SCAPER: variants seen among roughly 807,000 people sequenced by gnomAD.
SCAPER encodes the protein S phase cyclin A-associated protein in the endoplasmic reticulum.
Under a neutral mutation model 182.2 loss-of-function variants are expected in SCAPER, and 98 were observed. The ratio of observed to expected loss-of-function variants is 0.54; its 90% confidence interval spans 0.46 to 0.64. SCAPER has a LOEUF of 0.64. SCAPER is among the 30% of genes least tolerant of loss of function. SCAPER has a pLI of 0.00. For synonymous variants in SCAPER, 605 were observed against 564.6 expected (o/e 1.07, Z -1.01); for missense variants, 1,432 against 1,690.0 (o/e 0.85, Z 2.68).
At chr15:76,796,572 C>T (rs1325816520) in intron 7 of SCAPER, among the ~76,000 whole-genome samples, 1 of 152,164 alleles carries the variant, frequency 6.6e-6, no homozygotes. Flanking sequence ...CAAAATTGTT[C>T]CTCAAGCTGA....
chr15:76,429,040 T>C (rs2046670153), intron 26 of SCAPER, among the ~76,000 whole-genome samples: 1 of 151,716 alleles, frequency 6.6e-6, no homozygotes, highest in African/African-American at 2.4e-5. Context: ...TTTCCCGTGC[T>C]GTTCTCATGA....
intron 23 of SCAPER, among the ~76,000 whole-genome samples, chr15:76,532,329 C>CCCCTT (rs1377892079): frequency 6.6e-6 from 1 of 151,516 alleles, no homozygotes; most frequent in Non-Finnish European, 1.5e-5. Context: ...CCCCTCCCCT[C>CCCCTT]CCCTTCCTTC....
intron 27 of SCAPER, among the ~76,000 whole-genome samples, chr15:76,398,407 T>G (rs910459628): frequency 2.0e-5 from 3 of 152,224 alleles, no homozygotes; most frequent in Non-Finnish European, 4.4e-5. Flanking sequence ...ACAGAGTCCT[T>G]AGACAAAATT....
At chr15:76,652,343 T>TACACACACACAC (rs1230104329) in intron 21 of SCAPER, among the ~76,000 whole-genome samples, 2 of 12,240 alleles carry the variant, frequency 1.6e-4, no homozygotes, top group Non-Finnish European at 1.4e-4. Flanking sequence ...TACACATATA[T>TACACACACACAC]ACACACACAC....
chr15:76,470,370 A>G (rs2050048354), intron 25 of SCAPER, among the ~76,000 whole-genome samples: 1 of 152,170 alleles, frequency 6.6e-6, no homozygotes, highest in South Asian at 2.1e-4. Flanking sequence ...CTGGGGAAAG[A>G]GTCAGGCTGG....
At chr15:76,794,964 T>C (rs2065226001) in intron 8 of SCAPER, among the ~76,000 whole-genome samples, 2 of 152,196 alleles carry the variant, frequency 1.3e-5, no homozygotes, top group African/African-American at 4.8e-5. Context: ...GAATTCTGCC[T>C]AGACTAAATT....
At chr15:76,419,684 C>A (rs2045895345) in intron 26 of SCAPER, among the ~76,000 whole-genome samples, 2 of 151,986 alleles carry the variant, frequency 1.3e-5, no homozygotes, top group African/African-American at 2.4e-5. Context: ...TGTACCATTG[C>A]ACTCCAGCCT....
intron 23 of SCAPER, among the ~76,000 whole-genome samples, chr15:76,559,008 T>C (rs2046392055): frequency 6.6e-6 from 1 of 151,954 alleles, no homozygotes; most frequent in Non-Finnish European, 1.5e-5. Flanking sequence ...CAAGCTGTTC[T>C]TGTGATAGTG....
chr15:76,844,385 G>A (rs766189608), intron 4 of SCAPER, among the ~76,000 whole-genome samples: 5 of 151,280 alleles, frequency 3.3e-5, no homozygotes, highest in East Asian at 1.9e-4. Flanking sequence ...GAAAACCTAT[G>A]GACTTATCCC....
intron 5 of SCAPER, among the ~76,000 whole-genome samples, chr15:76,807,203 T>G (rs543963846): frequency 6.6e-6 from 1 of 152,242 alleles, no homozygotes. Context: ...GGATTTTTCA[T>G]AGATACTCTT....
In SCAPER at chr15:76,890,178, G is replaced by A. The variant is rs550111919; in HGVS notation, c.-59-6302C>T. On this transcript the variant is annotated intron_variant, in intron 1 of 31. Coordinates refer to ENST00000563290, the MANE Select transcript of SCAPER (RefSeq NM_020843.4). ...GACACATTTAACACAGTGGGTAGAG[G>A]GAAATTTATAGCACTAAATGCCCAC... Among the ~76,000 whole-genome samples the A allele has an allele frequency of 2.6e-4, 39 of 152,240 alleles. 1 individual carries two copies. The South Asian group carries it at 8.1e-3, about 32-fold the overall frequency.
At chr15:76,562,112 C>T (rs1238996140) in intron 23 of SCAPER, among the ~76,000 whole-genome samples, 1 of 121,072 alleles carries the variant, frequency 8.3e-6, no homozygotes, top group East Asian at 2.6e-4. Context: ...TGCACCATTG[C>T]ACTACAGCCT....
At chr15:76,468,223 C>A (rs900244074) in intron 25 of SCAPER, among the ~76,000 whole-genome samples, 1 of 152,046 alleles carries the variant, frequency 6.6e-6, no homozygotes, top group Non-Finnish European at 1.5e-5. Flanking sequence ...CCTTCACTCA[C>A]TGCCACAAAC....
At chr15:76,659,549 C>T (rs932126971) in intron 21 of SCAPER, among the ~76,000 whole-genome samples, 2 of 152,128 alleles carry the variant, frequency 1.3e-5, no homozygotes, top group Admixed American at 6.6e-5. Flanking sequence ...GGATTGTAGG[C>T]GCGAGCCACC....
chr15:76,806,942 G>C, intron 5 of SCAPER, among the ~76,000 whole-genome samples: 1 of 152,006 alleles, frequency 6.6e-6, no homozygotes, highest in South Asian at 2.1e-4. Context: ...TTGTTTATTA[G>C]CTCTAATAAT....
intron 23 of SCAPER, among the ~76,000 whole-genome samples, chr15:76,539,067 T>TA (rs564324949): frequency 0.05 from 7,102 of 141,096 alleles, 357 homozygotes; most frequent in African/African-American, 0.14. Context: ...ATGTTGTAAG[T>TA]AAAAAAAAAA....
intron 5 of SCAPER, among the ~76,000 whole-genome samples, chr15:76,832,597 A>G (rs1598982624): frequency 6.6e-6 from 1 of 152,024 alleles, no homozygotes; most frequent in East Asian, 1.9e-4. Flanking sequence ...CCCAAATCTC[A>G]AGTTCAATTG....
intron 1 of SCAPER, among the ~76,000 whole-genome samples, chr15:76,891,898 G>A (rs895663453): frequency 2.0e-5 from 3 of 152,114 alleles, no homozygotes; most frequent in African/African-American, 7.2e-5. Flanking sequence ...TAACGAAGCT[G>A]GAGACTTCAT....
At chr15:76,486,783 C>T (rs1006559587) in intron 24 of SCAPER, among the ~76,000 whole-genome samples, 1 of 152,088 alleles carries the variant, frequency 6.6e-6, no homozygotes, top group Non-Finnish European at 1.5e-5. Context: ...GATAGTGTGG[C>T]GATTCCTCAA....
Sources: allele counts gnomAD v4.1 joint callset (sites outside exome capture counted in the v4.1 genomes callset), GRCh38; gene constraint gnomAD v4.1.1; transcripts MANE v1.5; gene names NCBI Gene and HGNC (gene_info 2026-07-23, HGNC 2026-07-21).